Variants in HYAL4 observed in about 807,000 individuals in gnomAD.
The protein encoded by HYAL4 is hyaluronidase 4, also known as hyaluronidase-4.
Under a neutral mutation model 35.2 loss-of-function variants are expected in HYAL4, and 37 were observed. The ratio of observed to expected loss-of-function variants is 1.05; its 90% confidence interval spans 0.81 to 1.38. The LOEUF (loss-of-function observed/expected upper bound fraction) is 1.38. Ranked by LOEUF, HYAL4 falls within the 40% of genes most tolerant of loss-of-function variation. The pLI is 0.00. For synonymous variants in HYAL4, 198 were observed against 203.2 expected (o/e 0.97, Z 0.22); for missense variants, 572 against 572.4 (o/e 1.00, Z 0.01).
Position 123,864,474 on chromosome 7 carries a change from G to T in HYAL4, c.-51-3749G>T, listed in dbSNP as rs563712874. 1.1e-4 allele frequency among the ~76,000 whole-genome samples: 16 copies of T among 152,178 alleles called. No homozygotes were observed. In the East Asian group the frequency reaches 2.9e-3, roughly 28 times the overall value. ...TTGTCATTTAGAGGTTTGTTTACAG[G>T]AGCACATTTGCCTAGGCGGATTATG... On this transcript the variant is annotated intron_variant, in intron 2 of 4. Transcript: ENST00000223026.
upstream of HYAL4, among the ~76,000 whole-genome samples, chr7:123,825,869 T>G (rs919716208): frequency 6.6e-6 from 1 of 152,134 alleles, no homozygotes; most frequent in Non-Finnish European, 1.5e-5. Flanking sequence ...TTATTTCTTT[T>G]CATGAGATTG....
the HYAL4 span, chr7:123,790,797 C>T: frequency 6.6e-6 from 1 of 151,632 alleles, no homozygotes; most frequent in Non-Finnish European, 1.5e-5. Flanking sequence ...TGGAGTTTTG[C>T]TCTTTCACCC....
intron 2 of HYAL4, among the ~76,000 whole-genome samples, chr7:123,866,316 C>T (rs1806686365): frequency 6.6e-6 from 1 of 152,218 alleles, no homozygotes; most frequent in South Asian, 2.1e-4. Context: ...GAATTTACGT[C>T]ACCACTGGCA....
chr7:123,832,386 C>T (rs1009278117), intron 1 of HYAL4, among the ~76,000 whole-genome samples: 2 of 150,484 alleles, frequency 1.3e-5, no homozygotes, highest in African/African-American at 4.9e-5. Context: ...TGCCATCACC[C>T]GAGCAGTAAT....
chr7:123,868,657 T>A lies in HYAL4; in HGVS notation c.384T>A (p.Asp128Glu). ...LQVHLEKADQ[D>E]INYYIPAEDF... ...TACATCTGGAAAAAGCTGACCAAGA[T>A]ATTAATTATTACATCCCTGCTGAAG... is the stretch of plus-strand genomic sequence containing the variant. The change falls in exon 3 of 5, where the codon GAT becomes GAA. Residue 128 changes from aspartate (D) to glutamate (E), a missense_variant. By Grantham distance (45) the Asp-to-Glu change is conservative (BLOSUM62 2). Coordinates refer to ENST00000223026, the MANE Select transcript of HYAL4 (RefSeq NM_012269.3). The A allele has an allele frequency of 6.2e-7, 1 of 1,613,694 alleles. No individual in the cohort carries two copies. Among genetic ancestry groups the A allele is most frequent in the Non-Finnish European group, 8.5e-7 (1 of 1,179,938 alleles).
At chr7:123,775,528 G>C in the HYAL4 span, among the ~76,000 whole-genome samples, 1 of 152,088 alleles carries the variant, frequency 6.6e-6, no homozygotes, top group Middle Eastern at 3.2e-3. Flanking sequence ...GAAACAACTT[G>C]TTGTTAGTCT....
chr7:123,771,921 G>A, the HYAL4 span, among the ~76,000 whole-genome samples: 1 of 151,670 alleles, frequency 6.6e-6, no homozygotes, highest in African/African-American at 2.4e-5. Context: ...GCGGGTCTGA[G>A]TAGAACAAAA....
intron 1 of HYAL4, among the ~76,000 whole-genome samples, chr7:123,831,563 A>G (rs1396376182): frequency 6.6e-6 from 1 of 152,134 alleles, no homozygotes; most frequent in African/African-American, 2.4e-5. Context: ...CTATTGTTAT[A>G]CATTTTATTC....
intron 2 of HYAL4, among the ~76,000 whole-genome samples, chr7:123,860,793 T>G (rs1806560648): frequency 6.6e-6 from 1 of 152,216 alleles, no homozygotes; most frequent in Non-Finnish European, 1.5e-5. Context: ...AAATTTCCAG[T>G]CTTCTGTTTC....
chr7:123,796,308 G>A, the HYAL4 span, among the ~76,000 whole-genome samples: 6 of 151,920 alleles, frequency 3.9e-5, no homozygotes, highest in African/African-American at 1.2e-4. Context: ...TTGGATTTAG[G>A]GATTCTCTCA....
At chr7:123,794,437 A>G in the HYAL4 span, among the ~76,000 whole-genome samples, 1 of 152,152 alleles carries the variant, frequency 6.6e-6, no homozygotes, top group South Asian at 2.1e-4. Context: ...AGCCCCTCCC[A>G]TCACAGGCCT....
chr7:123,815,531 A>G, the HYAL4 span, among the ~76,000 whole-genome samples: 1 of 152,200 alleles, frequency 6.6e-6, no homozygotes, highest in African/African-American at 2.4e-5. Context: ...ACAGTCAACA[A>G]TGCAATCTAG....
chr7:123,876,911 AC>A lies in HYAL4; in HGVS notation c.1205del (p.Pro402LeufsTer6). 6.2e-7 allele frequency: 1 copy of A among 1,614,086 alleles called. No homozygotes were observed. Among genetic ancestry groups the A allele is most frequent in the East Asian group, 2.2e-5 (1 of 44,866 alleles). On this transcript the variant is annotated frameshift_variant, in exon 5 of 5. Coordinates refer to ENST00000223026, the MANE Select transcript of HYAL4 (RefSeq NM_012269.3). LOFTEE classifies it low-confidence loss of function (END_TRUNC). ...MWNAPSYLHL[N>X]PASYHIEASE... The stretch of plus-strand genomic sequence containing the variant: ...AACGCGCCCAGTTACCTTCACTTGA[AC>A]CCTGCAAGTTACCACATAGAGGCCT...
At chr7:123,822,786 C>G in the HYAL4 span, among the ~76,000 whole-genome samples, 1 of 151,966 alleles carries the variant, frequency 6.6e-6, no homozygotes, top group Non-Finnish European at 1.5e-5. Flanking sequence ...TAATGTGACC[C>G]CATCTCTACA....
the HYAL4 span, among the ~76,000 whole-genome samples, chr7:123,778,163 A>ATCTG: frequency 2.1e-5 from 1 of 48,220 alleles, no homozygotes; most frequent in South Asian, 4.8e-4. Flanking sequence ...CTGTCTGTCT[A>ATCTG]TCTATCTATC....
At chr7:123,807,805 C>T in the HYAL4 span, among the ~76,000 whole-genome samples, 5 of 151,526 alleles carry the variant, frequency 3.3e-5, no homozygotes, top group Non-Finnish European at 5.9e-5. Flanking sequence ...GATCATAGTT[C>T]GCGGTAGCCT....
At chr7:123,772,478 G>A in the HYAL4 span, among the ~76,000 whole-genome samples, 2 of 152,152 alleles carry the variant, frequency 1.3e-5, no homozygotes, top group Admixed American at 1.3e-4. Context: ...CATCTGAGAG[G>A]CTTGTGCACA....
intron 2 of HYAL4, among the ~76,000 whole-genome samples, chr7:123,866,930 A>G (rs1198126031): frequency 6.6e-6 from 1 of 151,962 alleles, no homozygotes; most frequent in Non-Finnish European, 1.5e-5. Context: ...AGCTGGGACT[A>G]CAGGCATGTG....
chr7:123,858,515 T>C (rs1200891654), intron 2 of HYAL4, among the ~76,000 whole-genome samples: 1 of 151,986 alleles, frequency 6.6e-6, no homozygotes, highest in African/African-American at 2.4e-5. Context: ...ATCTGTCTTA[T>C]GTGAAAATGT....
Sources: gnomAD v4.1 joint callset for allele counts (sites outside exome capture counted in the v4.1 genomes callset) on GRCh38, gnomAD v4.1.1 for gene constraint, MANE v1.5 for transcripts, NCBI Gene and HGNC (gene_info 2026-07-23, HGNC 2026-07-21) for gene names.